Variants in TRIM11 observed in about 807,000 individuals in gnomAD.
The protein encoded by TRIM11 is E3 ubiquitin-protein ligase TRIM11.
In TRIM11, 15 loss-of-function variants were observed where a neutral mutation model predicts 33.4. The observed-to-expected ratio is 0.45, with a 90% confidence interval of 0.30 to 0.69. TRIM11 has a LOEUF of 0.69. TRIM11 is among the 30% of genes least tolerant of loss of function. TRIM11 has a pLI of 0.08. For missense variants in TRIM11, 499 were observed against 667.6 expected, an observed-to-expected ratio of 0.75 and a Z score of 2.78; for synonymous variants, 281 against 302.6, an observed-to-expected ratio of 0.93 and a Z score of 0.74.
rs1656251936 is a variant in TRIM11 at position 228,402,061 on chromosome 1, C to T, written c.504+5G>A. 1.9e-6 allele frequency: 3 copies of T among 1,610,542 alleles called. No individual in the cohort carries two copies. Among genetic ancestry groups the T allele is most frequent in the Non-Finnish European group, 2.5e-6 (3 of 1,178,094 alleles). ...ACCCAGGACCCTGGGAGCCCCAGCA[C>T]CTGCCTGCCACAAGACGCAGGTCTC... On this transcript the variant is annotated splice_donor_5th_base_variant and intron_variant, in intron 2 of 5. Transcript: ENST00000284551.
chr1:228,402,533 G>A (rs561118609), intron 1 of TRIM11: 1 of 172,060 alleles, frequency 5.8e-6, no homozygotes, highest in East Asian at 1.8e-4. Context: ...CCAAGCCAGT[G>A]TCTACTCCTC....
At chr1:228,396,655 G>C (rs954454235) in intron 5 of TRIM11, 2 of 712,658 alleles carry the variant, frequency 2.8e-6, no homozygotes, top group Admixed American at 4.0e-5. Flanking sequence ...CCCTTAATCT[G>C]TGGGGTCTGT....
rs373522088 is a variant in TRIM11, at chr1:228,402,565, TG to T, written c.409-405del. The T allele has an allele frequency of 7.0e-3, 1,134 of 161,372 alleles. 14 individuals carry two copies. The highest frequency in any genetic ancestry group is 0.026 in the African/African-American group (1,077 of 41,716). The allele number at this position is 161,372 out of a possible 1,614,324, so 10.0% of individuals were successfully genotyped here. ...CCTCCTCCTCTTCCTTCTCACCTGC[TG>T]GCTCACATAAGGGCCTTGGACCAAG... On this transcript the variant is annotated intron_variant, in intron 1 of 5. Transcript: ENST00000284551.
intron 3 of TRIM11, chr1:228,397,446 T>G (rs1318765353): frequency 2.1e-6 from 1 of 483,412 alleles, no homozygotes; most frequent in African/African-American, 1.9e-5. Flanking sequence ...ATGTAGGGCA[T>G]CTGGCTGTTG....
At chr1:228,402,016 C>G in intron 2 of TRIM11, 50 bp downstream of exon 2, 2 of 1,529,764 alleles carry the variant, frequency 1.3e-6, no homozygotes, top group Non-Finnish European at 1.8e-6. Context: ...CTATACAGGA[C>G]CTTCACCCCC....
In TRIM11 at chr1:228,403,549, C is replaced by T. The variant is rs2149094071; in HGVS notation, c.409-1388G>A. The T allele has an allele frequency of 6.6e-6, 1 of 152,554 alleles. No individual in the cohort carries two copies. The highest frequency in any genetic ancestry group is 1.5e-5 in the Non-Finnish European group (1 of 68,136). The allele number at this position is 152,554 out of a possible 1,614,324, so 9.5% of individuals were successfully genotyped here. A position where few individuals can be genotyped will look rare whatever the true frequency, so the allele number is the denominator to read the frequency against. On this transcript the variant is annotated intron_variant, in intron 1 of 5. Coordinates refer to ENST00000284551, the MANE Select transcript of TRIM11 (RefSeq NM_145214.3). The surrounding 1 kb of genome is among the most constrained non-coding windows in gnomAD (Gnocchi z 4.8). ...GGCCTCTCTCCTCACTGCTGCCGAC[C>T]TGTTCCAGAAAACTCAGGCCTGGCC...
rs151168206 is a variant in TRIM11 at position 228,400,028 on chromosome 1, C to T, written c.735+936G>A. 1.3e-4 allele frequency among the ~76,000 whole-genome samples: 20 copies of T among 152,338 alleles called. No individual in the cohort carries two copies. Among genetic ancestry groups the T allele is most frequent in the Middle Eastern group, 3.4e-3 (1 of 294 alleles). Reference sequence around the variant, plus strand: ...CAGCAGGTCACCCCCTGTGCAAAGCCGCCCAGCCACATCTGCAGCATTGTG... The same window carrying T: ...CAGCAGGTCACCCCCTGTGCAAAGCTGCCCAGCCACATCTGCAGCATTGTG... On this transcript the variant is annotated intron_variant, in intron 3 of 5. Transcript: ENST00000284551. The surrounding 1 kb of genome is among the most constrained non-coding windows in gnomAD (Gnocchi z 4.5).
chr1:228,399,907 AAAAACAAAAAAACAG>A lies in TRIM11; in HGVS notation c.735+1042_735+1056del, dbSNP rs1158999333. On this transcript the variant is annotated intron_variant, in intron 3 of 5. Transcript: ENST00000284551. Reference sequence around the variant, plus strand: ...AAAAAAAAACAAAAAAAAAAAAACAAAAAACAAAAAAACAGAAAAAAGCTTACAATAGAAATGACA... The same window carrying A: ...AAAAAAAAACAAAAAAAAAAAAACAAAAAAAAGCTTACAATAGAAATGACA... Among the ~76,000 whole-genome samples, 11 of 151,974 alleles carry A rather than the reference AAAAACAAAAAAACAG, an allele frequency of 7.2e-5. No homozygotes were observed. In the South Asian group the frequency reaches 1.2e-3, roughly 17 times the overall value.
intron 5 of TRIM11, chr1:228,396,669 A>T: frequency 1.4e-6 from 1 of 717,166 alleles, no homozygotes; most frequent in Admixed American, 2.0e-5. Flanking sequence ...GGTCTGTACT[A>T]ACTCCTGTAG....
chr1:228,399,879 CAAAAA>C (rs55896989), intron 3 of TRIM11, among the ~76,000 whole-genome samples: 14 of 116,000 alleles, frequency 1.2e-4, no homozygotes, highest in African/African-American at 5.0e-4. Flanking sequence ...CTTAAATCTA[CAAAAA>C]AAAAAACAAA....
In TRIM11 at chr1:228,394,932, A is replaced by C. The variant is rs2149089390; in HGVS notation, c.1180T>G (p.Leu394Val). Residue 394 changes from leucine (L) to valine (V), a missense_variant, in exon 6 of 6, where the codon TTG becomes GTG. Physicochemically the swap from Leu to Val is conservative, Grantham distance 32 (BLOSUM62 1). Coordinates refer to ENST00000284551, the MANE Select transcript of TRIM11 (RefSeq NM_145214.3). This position sits in a 1 kb window ranked among gnomAD's most constrained non-coding sequence, Gnocchi z 6.2. ...CTGGGTGGGTCCCGGAGTGGAGCCA[A>C]GGCCCGTTCCGAGGAATTGTAATAG... is the stretch of plus-strand genomic sequence containing the variant. ...GSYYNSSERA[L>V]APLRDPPRRV... The C allele has an allele frequency of 1.2e-6, 2 of 1,614,136 alleles. No individual in the cohort carries two copies. Among genetic ancestry groups the C allele is most frequent in the Middle Eastern group, 1.6e-4 (1 of 6,062 alleles).
In TRIM11 at chr1:228,396,823, C is replaced by A. The variant is rs2149090518; in HGVS notation, c.859+124G>T. 3.3e-6 allele frequency: 3 copies of A among 899,404 alleles called. No individual in the cohort carries two copies. In the East Asian group the frequency reaches 7.4e-5, roughly 22 times the overall value. 55.7% of individuals were successfully genotyped at this position (899,404 alleles called of 1,614,324 possible). On this transcript the variant is annotated intron_variant, in intron 5 of 5. Coordinates refer to ENST00000284551, the MANE Select transcript of TRIM11 (RefSeq NM_145214.3). ...AGCAGAGGACGTTTTCCCAACAACCCACCACCATGACACTGTGAGTTTGGA... is the reference window on the plus strand; with the variant it reads ...AGCAGAGGACGTTTTCCCAACAACCAACCACCATGACACTGTGAGTTTGGA...
rs2074993858 is a variant in TRIM11, at chr1:228,397,144, T to C, written c.757A>G (p.Arg253Gly). The change falls in exon 4 of 6, where the codon AGG (arginine) becomes GGG (glycine). Residue 253 changes from arginine to glycine, a missense_variant and splice_region_variant. Physicochemically the swap from Arg to Gly is moderately radical, Grantham distance 125. Coordinates refer to ENST00000284551, the MANE Select transcript of TRIM11 (RefSeq NM_145214.3). Reference sequence around the variant, plus strand: ...CTCCAGGAGAGGCTGGGTTCGTACCTGCGCAGGGCGTCCTTGATGTCCTAT... The same window carrying C: ...CTCCAGGAGAGGCTGGGTTCGTACCCGCGCAGGGCGTCCTTGATGTCCTAT... ...LLQDIKDALR[R>G]VQDVKLQPPE... 2 of 1,613,538 alleles carry C rather than the reference T, an allele frequency of 1.2e-6. No homozygotes were observed. The highest frequency in any genetic ancestry group is 1.7e-6 in the Non-Finnish European group (2 of 1,179,756).
chr1:228,398,594 GAC>G (rs1444628429), intron 3 of TRIM11, among the ~76,000 whole-genome samples: 11 of 152,166 alleles, frequency 7.2e-5, no homozygotes, highest in Non-Finnish European at 1.6e-4. Context: ...TAGCCTGGGC[GAC>G]AGAGTGAGAC....
In TRIM11 at chr1:228,400,678, G is replaced by T. The variant is rs1049638301; in HGVS notation, c.735+286C>A. On this transcript the variant is annotated intron_variant, in intron 3 of 5. Coordinates refer to ENST00000284551, the MANE Select transcript of TRIM11 (RefSeq NM_145214.3). This position sits in a 1 kb window ranked among gnomAD's most constrained non-coding sequence, Gnocchi z 4.5. ...AGGGAGCAGCAGTGTCAGTCAGGAC[G>T]AGATGGAGTGACCTTATGTAATCAC... Among the ~76,000 whole-genome samples the T allele has an allele frequency of 1.3e-5, 2 of 152,188 alleles. No individual in the cohort carries two copies. Among genetic ancestry groups the T allele is most frequent in the East Asian group, 3.9e-4 (2 of 5,188 alleles).
At position 228,403,912 on chromosome 1, in the gene TRIM11, C is replaced by T. The variant is rs1323136423; in HGVS notation, c.409-1751G>A. On this transcript the variant is annotated intron_variant, in intron 1 of 5. Coordinates refer to ENST00000284551, the MANE Select transcript of TRIM11 (RefSeq NM_145214.3). This position sits in a 1 kb window ranked among gnomAD's most constrained non-coding sequence, Gnocchi z 4.8. ...TCAGGTGATCCGCCCACCTCGGCCTCCCAAATTGCTGGGATTACAGGCGTG... is the reference window on the plus strand; with the variant it reads ...TCAGGTGATCCGCCCACCTCGGCCTTCCAAATTGCTGGGATTACAGGCGTG... 2 of 152,268 alleles carry T rather than the reference C, an allele frequency of 1.3e-5. No homozygotes were observed. The highest frequency in any genetic ancestry group is 2.9e-5 in the Non-Finnish European group (2 of 68,080). 9.4% of individuals were successfully genotyped at this position (152,268 alleles called of 1,614,324 possible).
chr1:228,402,386 A>C, intron 1 of TRIM11: 11 of 440,938 alleles, frequency 2.5e-5, no homozygotes, highest in East Asian at 4.3e-5. Flanking sequence ...CCTTTTTCTC[A>C]TATGGGGCAT....
At position 228,396,990 on chromosome 1, in the gene TRIM11, C is replaced by G; in HGVS notation, c.816G>C (p.Val272=). The part of the protein sequence containing the change: ...PEVVPMELRT[V]CRVPGLVETL... ...TCTCTACCAGTCCCGGGACCCTGCA[C>G]ACGGTCCTCAGCTCCATAGGCACAA... Residue 272 remains valine, a synonymous_variant, in exon 5 of 6, where the codon GTG becomes GTC. Transcript: ENST00000284551. The G allele has an allele frequency of 6.8e-6, 11 of 1,614,130 alleles. No homozygotes were observed. The highest frequency in any genetic ancestry group is 9.3e-6 in the Non-Finnish European group (11 of 1,180,012).
chr1:228,402,036 A>AC (rs1292605960), intron 2 of TRIM11, 30 bp downstream of exon 2: 2 of 1,598,276 alleles, frequency 1.3e-6, no homozygotes, highest in South Asian at 2.2e-5. Context: ...CTACCCTGCC[A>AC]CCCAGGACCC....
Sources: allele counts gnomAD v4.1 joint callset (sites outside exome capture counted in the v4.1 genomes callset), GRCh38; gene constraint gnomAD v4.1.1; non-coding constraint Gnocchi (gnomAD v3.1); transcripts MANE v1.5; gene names NCBI Gene and HGNC (gene_info 2026-07-23, HGNC 2026-07-21).